Variants in BANK1 observed in about 807,000 individuals in gnomAD.
The protein encoded by BANK1 is B-cell scaffold protein with ankyrin repeats.
BANK1 carries 95 observed loss-of-function variants against 94.5 expected under a neutral mutation model. The observed-to-expected ratio is 1.00, with a 90% CI of 0.85 to 1.19. The LOEUF (loss-of-function observed/expected upper bound fraction) is 1.19. BANK1 is among the 50% of genes most tolerant of loss of function. The probability of loss-of-function intolerance (pLI) is 0.00; values close to 1 mark genes in which losing one functional copy is unlikely to be tolerated. For synonymous variants in BANK1, 334 were observed against 308.4 expected (o/e 1.08, Z -0.87); for missense variants, 987 against 932.2 (o/e 1.06, Z -0.77).
At position 101,917,990 on chromosome 4, in the gene BANK1, C is replaced by A. The variant is rs748620380; in HGVS notation, c.1010-3C>A. On this transcript the variant is annotated splice_region_variant and splice_polypyrimidine_tract_variant and intron_variant, in intron 6 of 16. Coordinates refer to ENST00000322953, the MANE Select transcript of BANK1 (RefSeq NM_017935.5). ...TAAATCCTACTACTTCTTATGCTTA[C>A]AGATACTCATTTCAAAGAACTTCCA... is the stretch of plus-strand genomic sequence containing the variant. The A allele has an allele frequency of 3.8e-6, 6 of 1,599,078 alleles. No individual in the cohort carries two copies. The South Asian group carries it at 6.7e-5, about 18-fold the overall frequency.
chr4:102,058,108 A>G (rs1728290134), intron 11 of BANK1, among the ~76,000 whole-genome samples: 1 of 152,018 alleles, frequency 6.6e-6, no homozygotes, highest in Non-Finnish European at 1.5e-5. Context: ...TTCTATTTTA[A>G]TTACTTTTTG....
At chr4:101,969,590 TA>T (rs561838453) in intron 7 of BANK1, among the ~76,000 whole-genome samples, 8 of 149,278 alleles carry the variant, frequency 5.4e-5, no homozygotes, top group Middle Eastern at 3.4e-3. Flanking sequence ...AGTTTCTTTG[TA>T]AAAAAAAAAG....
chr4:101,846,833 A>G (rs909700760), intron 2 of BANK1, among the ~76,000 whole-genome samples: 1 of 152,172 alleles, frequency 6.6e-6, no homozygotes, highest in Non-Finnish European at 1.5e-5. Flanking sequence ...ACACAGAGCC[A>G]AACCATATCT....
chr4:101,868,307 T>G (rs1728153875), intron 4 of BANK1, among the ~76,000 whole-genome samples: 1 of 151,840 alleles, frequency 6.6e-6, no homozygotes, highest in Non-Finnish European at 1.5e-5. Context: ...CTAATCAAAG[T>G]AGAGCTGGAA....
At chr4:101,825,672 A>T (rs1365593314) in intron 1 of BANK1, among the ~76,000 whole-genome samples, 1 of 152,064 alleles carries the variant, frequency 6.6e-6, no homozygotes, top group Non-Finnish European at 1.5e-5. Context: ...ACTGCTTAGC[A>T]ACATGCCTGG....
chr4:101,942,743 T>C (rs1185373872), intron 7 of BANK1, among the ~76,000 whole-genome samples: 3 of 151,786 alleles, frequency 2.0e-5, no homozygotes, highest in Non-Finnish European at 4.4e-5. Flanking sequence ...GGGTGGTAAA[T>C]GAGAGAAAAG....
intron 5 of BANK1, among the ~76,000 whole-genome samples, chr4:101,875,552 A>G (rs1728459287): frequency 6.6e-6 from 1 of 152,010 alleles, no homozygotes; most frequent in Non-Finnish European, 1.5e-5. Context: ...GAACTCACTC[A>G]CTATCATGGG....
chr4:101,877,177 A>C (rs1479629348), intron 5 of BANK1, among the ~76,000 whole-genome samples: 1 of 152,196 alleles, frequency 6.6e-6, no homozygotes, highest in Non-Finnish European at 1.5e-5. Flanking sequence ...CTAGAGAAAG[A>C]TATCAATGTC....
At chr4:102,020,075 C>G (rs1373240368) in intron 7 of BANK1, among the ~76,000 whole-genome samples, 1 of 152,002 alleles carries the variant, frequency 6.6e-6, no homozygotes, top group African/African-American at 2.4e-5. Context: ...TTTATTAATT[C>G]ACAGTGATTT....
chr4:102,022,272 A>C (rs1276658131), intron 8 of BANK1, among the ~76,000 whole-genome samples: 1 of 152,000 alleles, frequency 6.6e-6, no homozygotes, highest in Non-Finnish European at 1.5e-5. Flanking sequence ...CCACCTGCTG[A>C]CTTCCCCATC....
intron 3 of BANK1, among the ~76,000 whole-genome samples, chr4:101,856,978 G>A (rs1175345867): frequency 6.6e-6 from 1 of 152,022 alleles, no homozygotes; most frequent in African/African-American, 2.4e-5. Context: ...TTTTAGTATA[G>A]TCTGAATCCA....
chr4:101,950,131 CT>C (rs1724099821), intron 7 of BANK1, among the ~76,000 whole-genome samples: 1 of 151,940 alleles, frequency 6.6e-6, no homozygotes, highest in African/African-American at 2.4e-5. Context: ...TCTCAGATTG[CT>C]GAGCTCCTTG....
chr4:102,064,261 C>T (rs1406502089), intron 13 of BANK1, among the ~76,000 whole-genome samples: 1 of 152,048 alleles, frequency 6.6e-6, no homozygotes, highest in Non-Finnish European at 1.5e-5. Flanking sequence ...TTCTTAAGCA[C>T]TTTAAAATGT....
intron 1 of BANK1, chr4:101,813,734 G>C (rs969545096): frequency 2.0e-5 from 5 of 247,166 alleles, no homozygotes; most frequent in African/African-American, 4.6e-5. Flanking sequence ...CCATGCAGAA[G>C]TTATGTTTAC....
At chr4:101,869,848 T>C (rs1476613280) in intron 4 of BANK1, among the ~76,000 whole-genome samples, 2 of 152,028 alleles carry the variant, frequency 1.3e-5, no homozygotes, top group Non-Finnish European at 2.9e-5. Context: ...TATTCTTTCA[T>C]AGAAAGTCCT....
chr4:102,037,063 T>C (rs549224592), intron 10 of BANK1, among the ~76,000 whole-genome samples: 1 of 152,370 alleles, frequency 6.6e-6, no homozygotes, highest in South Asian at 2.1e-4. Context: ...TAACATATGA[T>C]GTTACTATTT....
chr4:101,895,138 T>A (rs1227588744), intron 5 of BANK1, among the ~76,000 whole-genome samples, 167 bp from the exon 6 acceptor site: 1 of 151,882 alleles, frequency 6.6e-6, no homozygotes, highest in African/African-American at 2.4e-5. Flanking sequence ...AATTGGTTTT[T>A]AGGCAAGGCC....
chr4:102,047,303 A>G (rs986504656), intron 11 of BANK1, among the ~76,000 whole-genome samples: 1 of 152,192 alleles, frequency 6.6e-6, no homozygotes, highest in Admixed American at 6.5e-5. Context: ...AATGCAACAC[A>G]TGATGAAGCT....
intron 11 of BANK1, among the ~76,000 whole-genome samples, chr4:102,045,984 A>G (rs1328271650): frequency 6.8e-6 from 1 of 147,648 alleles, no homozygotes; most frequent in Non-Finnish European, 1.5e-5. Flanking sequence ...CGCATTGCCA[A>G]GTCAATCCTA....
Sources: allele counts gnomAD v4.1 joint callset (sites outside exome capture counted in the v4.1 genomes callset), GRCh38; gene constraint gnomAD v4.1.1; transcripts MANE v1.5; gene names NCBI Gene and HGNC (gene_info 2026-07-23, HGNC 2026-07-21).